Variants in FHIT observed in about 807,000 individuals in gnomAD.
FHIT encodes fragile histidine triad diadenosine triphosphatase.
In FHIT, 19 loss-of-function variants were observed where a neutral mutation model predicts 17.9. The ratio of observed to expected loss-of-function variants is 1.06; its 90% confidence interval spans 0.74 to 1.56. FHIT has a LOEUF of 1.56. Ranked by LOEUF, FHIT falls within the 40% of genes most tolerant of loss-of-function variation. The pLI is 0.00. For missense variants in FHIT, 248 were observed against 189.2 expected, an observed-to-expected ratio of 1.31 and a Z score of -1.82; for synonymous variants, 81 against 69.7, an observed-to-expected ratio of 1.16 and a Z score of -0.81.
intron 2 of FHIT, among the ~76,000 whole-genome samples, chr3:61,095,647 G>GC (rs1464567513): frequency 9.3e-5 from 14 of 151,320 alleles, no homozygotes; most frequent in East Asian, 1.9e-4. Flanking sequence ...TAAAGCATCT[G>GC]TTTTAAAAAA....
chr3:60,421,396 G>A (rs1012559322), intron 5 of FHIT, among the ~76,000 whole-genome samples: 2 of 151,988 alleles, frequency 1.3e-5, no homozygotes, highest in Non-Finnish European at 2.9e-5. Flanking sequence ...AAACATTTTA[G>A]CATACTTGGG....
chr3:61,016,323 C>T (rs2032104363), intron 3 of FHIT, among the ~76,000 whole-genome samples: 1 of 152,046 alleles, frequency 6.6e-6, no homozygotes, highest in Non-Finnish European at 1.5e-5. Context: ...AAGAGTTTAT[C>T]CCTAGGGTAG....
intron 7 of FHIT, among the ~76,000 whole-genome samples, chr3:59,980,871 A>G (rs1575810122): frequency 6.6e-6 from 1 of 152,314 alleles, no homozygotes; most frequent in East Asian, 1.9e-4. Flanking sequence ...GAGCATCCCA[A>G]ATGAACTAAA....
chr3:60,149,994 T>TC (rs1385121239), intron 5 of FHIT, among the ~76,000 whole-genome samples: 5 of 71,078 alleles, frequency 7.0e-5, no homozygotes, highest in African/African-American at 1.1e-4. Flanking sequence ...GCCTTTTTTT[T>TC]TTTTTTTTTT....
intron 3 of FHIT, among the ~76,000 whole-genome samples, chr3:60,936,414 T>C (rs1283868621): frequency 6.6e-6 from 1 of 152,212 alleles, no homozygotes; most frequent in African/African-American, 2.4e-5. Flanking sequence ...CAATGTGTGT[T>C]TGTTAAAGAT....
chr3:60,779,895 G>A (rs966881734), intron 4 of FHIT, among the ~76,000 whole-genome samples: 3 of 152,148 alleles, frequency 2.0e-5, no homozygotes, highest in South Asian at 4.1e-4. Flanking sequence ...TGAGGTCTAC[G>A]GAACTCCAAG....
At chr3:59,797,090 AATC>A (rs952342385) in intron 8 of FHIT, among the ~76,000 whole-genome samples, 1 of 152,216 alleles carries the variant, frequency 6.6e-6, no homozygotes, top group Non-Finnish European at 1.5e-5. Context: ...TATTTTTGGA[AATC>A]ATCAAAAGAG....
intron 5 of FHIT, among the ~76,000 whole-genome samples, chr3:60,195,031 C>T (rs941984295): frequency 4.0e-5 from 6 of 151,886 alleles, no homozygotes; most frequent in Admixed American, 1.3e-4. Flanking sequence ...CCAGGCATAG[C>T]GGCAGGGAGC....
intron 1 of FHIT, among the ~76,000 whole-genome samples, chr3:61,220,901 T>A (rs901419021): frequency 2.6e-5 from 4 of 152,318 alleles, no homozygotes; most frequent in African/African-American, 9.6e-5. Flanking sequence ...CTGAGACACA[T>A]ACACACAACA....
intron 3 of FHIT, among the ~76,000 whole-genome samples, chr3:60,985,950 C>T (rs1710704119): frequency 6.6e-6 from 1 of 152,186 alleles, no homozygotes; most frequent in African/African-American, 2.4e-5. Flanking sequence ...GCTCATGGCC[C>T]TTCTCTTGCA....
chr3:60,660,059 A>G (rs1468916395), intron 4 of FHIT, among the ~76,000 whole-genome samples: 1 of 152,074 alleles, frequency 6.6e-6, no homozygotes, highest in African/African-American at 2.4e-5. Context: ...TGACTTTCTA[A>G]TTTCCCATGT....
At position 61,007,841 on chromosome 3, in the gene FHIT, T is replaced by A. The variant is rs115237617; in HGVS notation, c.-111+34206A>T. Among the ~76,000 whole-genome samples, 160 of 152,102 alleles carry A rather than the reference T, an allele frequency of 1.1e-3. 1 individual carries two copies. The highest frequency in any genetic ancestry group is 3.8e-3 in the African/African-American group (156 of 41,492). ...GAGTGACCAGAGCAACACCCAGAGG[T>A]TCTGGGGAGATATATCACTAAATTC... On this transcript the variant is annotated intron_variant, in intron 3 of 9. Transcript: ENST00000492590.
intron 5 of FHIT, among the ~76,000 whole-genome samples, chr3:60,239,700 AT>A (rs1431666258): frequency 2.0e-5 from 3 of 152,230 alleles, no homozygotes; most frequent in Non-Finnish European, 2.9e-5. Context: ...ATTTAACTAT[AT>A]TTAAAGTAAA....
intron 3 of FHIT, among the ~76,000 whole-genome samples, chr3:60,889,429 C>T (rs114812718): frequency 2.0e-5 from 3 of 152,138 alleles, no homozygotes; most frequent in South Asian, 2.1e-4. Flanking sequence ...GTTTCTTTTG[C>T]GGCACCGAAA....
At chr3:60,620,439 C>T (rs185673184) in intron 4 of FHIT, among the ~76,000 whole-genome samples, 2 of 152,182 alleles carry the variant, frequency 1.3e-5, no homozygotes, top group East Asian at 3.9e-4. Flanking sequence ...TCATGGTATA[C>T]GCAGACCATT....
At chr3:60,204,444 G>GTT (rs56126245) in intron 5 of FHIT, among the ~76,000 whole-genome samples, 355 of 114,916 alleles carry the variant, frequency 3.1e-3, no homozygotes, top group African/African-American at 5.5e-3. Flanking sequence ...TAATATTCTG[G>GTT]TTTTTTTTTT....
rs191099548 is a variant in FHIT, at chr3:61,039,283, C to T, written c.-111+2764G>A. ...GACTACCCTTGTATCTAGTAAGAAA[C>T]ATGAACGTTTTATAGAGATTACTAC... On this transcript the variant is annotated intron_variant, in intron 3 of 9. Transcript: ENST00000492590. Among the ~76,000 whole-genome samples, 403 of 152,172 alleles carry T rather than the reference C, an allele frequency of 2.6e-3. 4 individuals are homozygous for T. The highest frequency in any genetic ancestry group is 0.014 in the Middle Eastern group (4 of 294).
intron 3 of FHIT, among the ~76,000 whole-genome samples, chr3:60,850,728 AC>A (rs1215809677): frequency 3.9e-5 from 6 of 152,120 alleles, no homozygotes; most frequent in Admixed American, 1.3e-4. Flanking sequence ...TCCTCAGCTG[AC>A]CCAGAACACC....
chr3:60,988,946 T>TAAAAAAAAAAAAAAAAAA, intron 3 of FHIT, among the ~76,000 whole-genome samples: 1 of 34,324 alleles, frequency 2.9e-5, no homozygotes, highest in Non-Finnish European at 4.9e-5. Flanking sequence ...ATGGCTTTGT[T>TAAAAAAAAAAAAAAAAAA]AAAAAAAAAA....
Sources: allele counts gnomAD v4.1 joint callset (sites outside exome capture counted in the v4.1 genomes callset), GRCh38; gene constraint gnomAD v4.1.1; transcripts MANE v1.5; gene names NCBI Gene and HGNC (gene_info 2026-07-23, HGNC 2026-07-21).